WDR35: variants seen among roughly 807,000 people sequenced by gnomAD.
WDR35 encodes the protein WD repeat domain 35.
In WDR35, 118 loss-of-function variants were observed where a neutral mutation model predicts 158.3. The ratio of observed to expected loss-of-function variants is 0.75; its 90% CI spans 0.64 to 0.87. WDR35 has a LOEUF of 0.87. Ranked by LOEUF, WDR35 falls within the 40% of genes least tolerant of loss-of-function variation. WDR35 has a pLI of 0.00. For missense variants in WDR35, 1,263 were observed against 1,405.8 expected (o/e 0.90, Z 1.62); for synonymous variants, 448 against 476.1 (o/e 0.94, Z 0.77).
intron 9 of WDR35, among the ~76,000 whole-genome samples, chr2:19,968,910 T>C (rs1053974866): frequency 2.6e-5 from 4 of 152,242 alleles, no homozygotes; most frequent in Non-Finnish European, 5.9e-5. Flanking sequence ...GAGACTAGTT[T>C]CTACGAACTC....
At chr2:19,964,380 TC>T (rs1671771714) in intron 10 of WDR35, among the ~76,000 whole-genome samples, 2 of 119,858 alleles carry the variant, frequency 1.7e-5, no homozygotes, top group South Asian at 6.6e-4. Flanking sequence ...TCTTTTCTTT[TC>T]TTTTTTTTTT....
At chr2:19,988,543 A>G (rs936089391) in intron 2 of WDR35, among the ~76,000 whole-genome samples, 9 of 152,208 alleles carry the variant, frequency 5.9e-5, no homozygotes, top group Non-Finnish European at 1.2e-4. Flanking sequence ...CTAAAGTAGT[A>G]AGATCCTCAG....
chr2:19,973,450 G>T, intron 8 of WDR35, 113 bp downstream of exon 8: 2 of 1,256,766 alleles, frequency 1.6e-6, no homozygotes, highest in Non-Finnish European at 2.2e-6. Context: ...AAGATGAAAT[G>T]TCCCTAAAAG....
intron 13 of WDR35, among the ~76,000 whole-genome samples, chr2:19,950,399 G>A (rs147059598): frequency 6.4e-4 from 97 of 152,254 alleles, no homozygotes; most frequent in African/African-American, 2.1e-3. Flanking sequence ...GAACAGTAGG[G>A]GAAAGATGAA....
chr2:19,931,526 G>T (rs1358300357), intron 23 of WDR35, 117 bp from the exon 24 acceptor site: 11 of 1,119,008 alleles, frequency 9.8e-6, no homozygotes, highest in Middle Eastern at 2.7e-4. Context: ...CAGTAAGATG[G>T]AATATAAATA....
rs770189829 is a variant in WDR35, at chr2:19,937,817, C to A, written c.2193G>T (p.Met731Ile). The change falls in exon 19 of 27, where the codon ATG (methionine) becomes ATT (isoleucine). Residue 731 changes from methionine to isoleucine, a missense_variant. By Grantham distance (10) the Met-to-Ile change is conservative. Transcript: ENST00000281405. The part of the protein sequence containing the change: ...KRLGKLLSES[M>I]KQAEVVGYFG... ...AGTAGCCAACAACTTCAGCCTGTTT[C>A]ATTGACTCACTCAGTAGTTTGCCCA... is the stretch of plus-strand genomic sequence containing the variant. The A allele has an allele frequency of 3.1e-6, 5 of 1,614,140 alleles. No homozygotes were observed. In the East Asian group the frequency reaches 1.1e-4, roughly 36 times the overall value.
intron 2 of WDR35, among the ~76,000 whole-genome samples, 183 bp downstream of exon 2, chr2:19,988,982 T>C (rs1226632111): frequency 6.6e-6 from 1 of 152,206 alleles, no homozygotes; most frequent in African/African-American, 2.4e-5. Flanking sequence ...CCATCCGATG[T>C]TTACATTCAA....
Position 19,910,553 on chromosome 2 carries a change from C to T in WDR35, c.*3005G>A, listed in dbSNP as rs573998434. ...GCAAGTTTTATAATAAAAAAAACAA[C>T]TTGGCATTACTCAACGGGAAGTCAG... On this transcript the variant is annotated 3_prime_UTR_variant, in exon 27 of 27. Coordinates refer to ENST00000281405, the MANE Select transcript of WDR35 (RefSeq NM_020779.4). 8.5e-5 allele frequency: 13 copies of T among 152,158 alleles called. No homozygotes were observed. The highest frequency in any genetic ancestry group is 1.8e-4 in the Non-Finnish European group (12 of 68,028). 9.4% of individuals were successfully genotyped at this position (152,158 alleles called of 1,614,324 possible).
intron 2 of WDR35, among the ~76,000 whole-genome samples, chr2:19,988,676 G>T (rs1323944413): frequency 6.6e-6 from 1 of 152,114 alleles, no homozygotes; most frequent in Admixed American, 6.5e-5. Context: ...TGATTCCAGA[G>T]AACTAGATAA....
In WDR35 at chr2:19,913,392, C is replaced by G; in HGVS notation, c.*166G>C. The G allele has an allele frequency of 1.3e-6, 1 of 753,120 alleles. No homozygotes were observed. The highest frequency in any genetic ancestry group is 2.0e-6 in the Non-Finnish European group (1 of 495,620). The allele number at this position is 753,120 out of a possible 1,614,324, so 46.7% of individuals were successfully genotyped here. On this transcript the variant is annotated 3_prime_UTR_variant, in exon 27 of 27. Coordinates refer to ENST00000281405, the MANE Select transcript of WDR35 (RefSeq NM_020779.4). The stretch of plus-strand genomic sequence containing the variant: ...CCTTATTATTTCACAGTTGTATTGC[C>G]ATAAAAATTATTTTATTAACATATA...
intron 11 of WDR35, among the ~76,000 whole-genome samples, chr2:19,956,951 T>C (rs1428226633): frequency 6.6e-6 from 1 of 152,210 alleles, no homozygotes; most frequent in Non-Finnish European, 1.5e-5. Context: ...ATTTATTGAA[T>C]GTTTAAAAAT....
intron 25 of WDR35, among the ~76,000 whole-genome samples, chr2:19,915,302 G>A (rs1372091703): frequency 6.6e-6 from 1 of 152,008 alleles, no homozygotes; most frequent in African/African-American, 2.4e-5. Flanking sequence ...ACAAAGTGTA[G>A]TAGAAAAAAT....
intron 17 of WDR35, among the ~76,000 whole-genome samples, chr2:19,938,715 A>G (rs1294226626): frequency 6.6e-6 from 1 of 152,162 alleles, no homozygotes; most frequent in African/African-American, 2.4e-5. Context: ...ACCTTAAATG[A>G]GATAACATGT....
At chr2:19,926,193 CA>C (rs2103391491) in intron 25 of WDR35, among the ~76,000 whole-genome samples, 1 of 151,660 alleles carries the variant, frequency 6.6e-6, no homozygotes, top group East Asian at 1.9e-4. Context: ...GCTATAATTC[CA>C]AAAAATTGGC....
chr2:19,981,135 G>C (rs933605281), intron 3 of WDR35, among the ~76,000 whole-genome samples: 1 of 152,098 alleles, frequency 6.6e-6, no homozygotes, highest in African/African-American at 2.4e-5. Flanking sequence ...ACCATAACAA[G>C]TACTTGTTTA....
chr2:19,978,879 C>T lies in WDR35; in HGVS notation c.308G>A (p.Gly103Asp), dbSNP rs886055406. The T allele has an allele frequency of 5.0e-6, 8 of 1,613,506 alleles. No individual in the cohort carries two copies. Among genetic ancestry groups the T allele is most frequent in the Non-Finnish European group, 5.9e-6 (7 of 1,179,728 alleles). ...GLIIVWMLYKGSWIEEMINNR... is the reference protein window; with the variant it reads ...GLIIVWMLYKDSWIEEMINNR... ...GTTGATCATCTCCTCAATCCAAGAG[C>T]CTGTTTTCACAAATTTAAAAAATTA... The change falls in exon 5 of 27, where the codon GGC becomes GAC. Residue 103 changes from glycine (G) to aspartate (D), a missense_variant and splice_region_variant. Gly to Asp is a moderately conservative substitution (Grantham distance 94). Coordinates refer to ENST00000281405, the MANE Select transcript of WDR35 (RefSeq NM_020779.4).
intron 25 of WDR35, among the ~76,000 whole-genome samples, chr2:19,928,794 T>C (rs181206281): frequency 2.7e-3 from 415 of 151,718 alleles, no homozygotes; most frequent in African/African-American, 9.5e-3. Flanking sequence ...ACAATAACTC[T>C]ATGAGGAAGA....
At chr2:19,971,555 T>C (rs542922396) in intron 8 of WDR35, among the ~76,000 whole-genome samples, 237 of 152,350 alleles carry the variant, frequency 1.6e-3, no homozygotes, top group Non-Finnish European at 2.9e-3. Context: ...ATATATACTA[T>C]GCAGTCTGTG....
chr2:19,940,818 T>G (rs1445717172), intron 17 of WDR35, among the ~76,000 whole-genome samples: 2 of 152,220 alleles, frequency 1.3e-5, no homozygotes, highest in Admixed American at 1.3e-4. Flanking sequence ...TTCCCTGTGC[T>G]GTCCAGCCAT....
Sources: allele counts gnomAD v4.1 joint callset (sites outside exome capture counted in the v4.1 genomes callset), GRCh38; gene constraint gnomAD v4.1.1; transcripts MANE v1.5; gene names NCBI Gene and HGNC (gene_info 2026-07-23, HGNC 2026-07-21).